The following KIAA0513 variants were observed in gnomAD, a reference collection of about 807,000 sequenced individuals.
The protein encoded by KIAA0513 is uncharacterized protein KIAA0513.
In KIAA0513, 39 loss-of-function variants were observed where a neutral mutation model predicts 56.5. The observed-to-expected ratio is 0.69, with a 90% confidence interval of 0.53 to 0.90. KIAA0513 has a LOEUF of 0.90. Ranked by LOEUF, KIAA0513 falls within the 40% of genes least tolerant of loss-of-function variation. KIAA0513 has a pLI of 0.00. For synonymous variants in KIAA0513, 268 were observed against 215.6 expected (o/e 1.24, Z -2.13); for missense variants, 591 against 535.2 (o/e 1.10, Z -1.03).
At chr16:85,073,166 G>C (rs557765399) in intron 4 of KIAA0513, among the ~76,000 whole-genome samples, 168 bp downstream of exon 4, 1 of 152,316 alleles carries the variant, frequency 6.6e-6, no homozygotes, top group South Asian at 2.1e-4. Context: ...GCACAGTCGT[G>C]ACCTCCATCT....
intron 1 of KIAA0513, among the ~76,000 whole-genome samples, chr16:85,053,409 T>A (rs1009905812): frequency 6.6e-6 from 1 of 152,188 alleles, no homozygotes; most frequent in Non-Finnish European, 1.5e-5. Flanking sequence ...GTTAACTGTA[T>A]CTCTTGGTTT....
chr16:85,088,267 CT>C lies in KIAA0513; in HGVS notation c.1187-8del, dbSNP rs2073832047. 1 of 1,612,096 alleles carries C rather than the reference CT, an allele frequency of 6.2e-7. No individual in the cohort carries two copies. The highest frequency in any genetic ancestry group is 1.3e-5 in the African/African-American group (1 of 74,934). ...TTCATCTGAGAAATAACATCACTTT[CT>C]CTTCCAGAGCAATACAAGCTGCTTA... On this transcript the variant is annotated splice_polypyrimidine_tract_variant and splice_region_variant and intron_variant, in intron 12 of 12. Transcript: ENST00000683363.
intron 8 of KIAA0513, 149 bp downstream of exon 8, chr16:85,079,152 C>G: frequency 6.8e-7 from 1 of 1,470,762 alleles, no homozygotes; most frequent in Non-Finnish European, 9.0e-7. Flanking sequence ...TGAACACTCA[C>G]AGGCGTTGGT....
intron 1 of KIAA0513, among the ~76,000 whole-genome samples, chr16:85,064,172 A>AT: frequency 6.6e-6 from 1 of 151,718 alleles, no homozygotes; most frequent in Admixed American, 6.6e-5. Flanking sequence ...TGCCTGGCTA[A>AT]TTTTTGTATT....
At chr16:85,055,784 G>T (rs1172522168) in intron 1 of KIAA0513, among the ~76,000 whole-genome samples, 1 of 152,100 alleles carries the variant, frequency 6.6e-6, no homozygotes, top group Non-Finnish European at 1.5e-5. Context: ...GGTTTTTTCG[G>T]AGATGAGAAA....
At chr16:85,082,071 C>T (rs1202674199) in intron 9 of KIAA0513, among the ~76,000 whole-genome samples, 1 of 152,268 alleles carries the variant, frequency 6.6e-6, no homozygotes, top group Non-Finnish European at 1.5e-5. Context: ...GCACATCCCT[C>T]CCCCTGTAAC....
At chr16:85,041,950 C>T (rs2073109325) in intron 1 of KIAA0513, among the ~76,000 whole-genome samples, 1 of 152,174 alleles carries the variant, frequency 6.6e-6, no homozygotes, top group Non-Finnish European at 1.5e-5. Flanking sequence ...CCCTATGCTG[C>T]GCACTCCTGT....
intron 5 of KIAA0513, 98 bp from the exon 6 acceptor site, chr16:85,077,327 C>A: frequency 8.7e-7 from 1 of 1,148,760 alleles, no homozygotes; most frequent in Non-Finnish European, 1.2e-6. Context: ...CGTATCCCCA[C>A]TGCACAGGAC....
intron 10 of KIAA0513, among the ~76,000 whole-genome samples, chr16:85,083,203 G>A (rs1215745068): frequency 6.6e-6 from 1 of 152,220 alleles, no homozygotes; most frequent in Non-Finnish European, 1.5e-5. Context: ...CGAGAATGGG[G>A]CTGTTTCCTG....
chr16:85,077,654 CT>C (rs767879068), intron 6 of KIAA0513, 22 bp downstream of exon 6: 1 of 1,566,936 alleles, frequency 6.4e-7, no homozygotes, highest in South Asian at 1.2e-5. Flanking sequence ...CTTGGGGTCC[CT>C]CCCACCTGCA....
At chr16:85,059,622 A>G (rs1220762293) in intron 1 of KIAA0513, among the ~76,000 whole-genome samples, 6 of 152,228 alleles carry the variant, frequency 3.9e-5, no homozygotes, top group African/African-American at 9.6e-5. Flanking sequence ...AGTGAAAGCA[A>G]TAATACTGCC....
chr16:85,087,007 G>A, intron 11 of KIAA0513, 65 bp from the exon 12 acceptor site: 1 of 1,493,418 alleles, frequency 6.7e-7, no homozygotes, highest in Non-Finnish European at 9.3e-7. Flanking sequence ...AGAGACAAGG[G>A]CCCAGCTCCC....
chr16:85,089,702 A>T lies in KIAA0513; in HGVS notation c.*1377A>T, dbSNP rs1402514330. 3 of 152,182 alleles carry T rather than the reference A, an allele frequency of 2.0e-5. No homozygotes were observed. Among genetic ancestry groups the T allele is most frequent in the Non-Finnish European group, 2.9e-5 (2 of 68,074 alleles). 9.4% of individuals were successfully genotyped at this position (152,182 alleles called of 1,614,324 possible). A position where few individuals can be genotyped will look rare whatever the true frequency, so the allele number is the denominator to read the frequency against. On this transcript the variant is annotated 3_prime_UTR_variant, in exon 13 of 13. Coordinates refer to ENST00000683363, the MANE Select transcript of KIAA0513 (RefSeq NM_001388359.1). The surrounding 1 kb of genome is among the most constrained non-coding windows in gnomAD (Gnocchi z 4.2). ...GCTACCTCCTCTGACATGCGGTCAG[A>T]TAAGTCCCGTCTTGTTTGTGAGTAC...
intron 4 of KIAA0513, among the ~76,000 whole-genome samples, chr16:85,074,422 A>T (rs973465109): frequency 4.6e-5 from 7 of 151,950 alleles, no homozygotes; most frequent in African/African-American, 1.5e-4. Context: ...GGCTCAAGGG[A>T]TCCTCCTTCG....
At chr16:85,058,723 C>T (rs1250039995) in intron 1 of KIAA0513, among the ~76,000 whole-genome samples, 1 of 151,846 alleles carries the variant, frequency 6.6e-6, no homozygotes. Flanking sequence ...CTGATTTCAA[C>T]ATCTCTTTAC....
intron 4 of KIAA0513, among the ~76,000 whole-genome samples, chr16:85,074,483 T>C (rs1273412116): frequency 6.6e-6 from 1 of 152,166 alleles, no homozygotes; most frequent in Admixed American, 6.5e-5. Flanking sequence ...ACACCCAGCC[T>C]GCTCTCTTGA....
In KIAA0513 at chr16:85,067,189, G is replaced by C. The variant is rs878948674; in HGVS notation, c.118G>C (p.Asp40His). 1 of 1,614,198 alleles carries C rather than the reference G, an allele frequency of 6.2e-7. No homozygotes were observed. Among genetic ancestry groups the C allele is most frequent in the Non-Finnish European group, 8.5e-7 (1 of 1,180,022 alleles). The stretch of plus-strand genomic sequence containing the variant: ...GCAGGACGGCGATGGCTCCCTGGGG[G>C]ACGGTGCATCAGAGAGTGAGACCAC... ...VLQDGDGSLGDGASESETTES... is the reference protein window; with the variant it reads ...VLQDGDGSLGHGASESETTES... Residue 40 changes from aspartate to histidine, a missense_variant, in exon 2 of 13, where the codon GAC (aspartate) becomes CAC (histidine). Coordinates refer to ENST00000683363, the MANE Select transcript of KIAA0513 (RefSeq NM_001388359.1).
At chr16:85,032,819 G>A (rs2072984058) in intron 1 of KIAA0513, among the ~76,000 whole-genome samples, 1 of 151,956 alleles carries the variant, frequency 6.6e-6, no homozygotes, top group Non-Finnish European at 1.5e-5. Flanking sequence ...TTTAGTAGAG[G>A]CAGGGTTTCA....
intron 1 of KIAA0513, among the ~76,000 whole-genome samples, chr16:85,050,528 C>A (rs9928999): frequency 0.36 from 54,890 of 151,582 alleles, 11,229 homozygotes; most frequent in African/African-American, 0.56. Context: ...GTTGGCCAGG[C>A]TGGTCTCGAA....
Sources: allele counts gnomAD v4.1 joint callset (sites outside exome capture counted in the v4.1 genomes callset), GRCh38; gene constraint gnomAD v4.1.1; non-coding constraint Gnocchi (gnomAD v3.1); transcripts MANE v1.5; gene names NCBI Gene and HGNC (gene_info 2026-07-23, HGNC 2026-07-21).